The following CELSR1 variants were observed in gnomAD, a reference collection of about 807,000 sequenced individuals.
CELSR1 encodes the protein cadherin EGF LAG seven-pass G-type receptor 1.
In CELSR1, 110 loss-of-function variants were observed where a neutral mutation model predicts 249.1. That is an observed-to-expected ratio of 0.44 (90% confidence interval 0.38 to 0.52). The LOEUF is 0.52. Among genes scored for constraint, CELSR1 ranks in the 20% least tolerant of loss-of-function variants. The probability of loss-of-function intolerance (pLI) is 0.00; values close to 1 mark genes in which losing one functional copy is unlikely to be tolerated. For missense variants in CELSR1, 4,109 were observed against 4,296.4 expected, an observed-to-expected ratio of 0.96 and a Z score of 1.22; for synonymous variants, 2,113 against 1,900.0, an observed-to-expected ratio of 1.11 and a Z score of -2.92.
At chr22:46,432,842 G>A (rs1180232816) in intron 5 of CELSR1, among the ~76,000 whole-genome samples, 1 of 152,034 alleles carries the variant, frequency 6.6e-6, no homozygotes, top group African/African-American at 2.4e-5. Flanking sequence ...GGAGATCTCC[G>A]GGGTCCCTGT....
In CELSR1 at chr22:46,453,250, C is replaced by T. The variant is rs376236301; in HGVS notation, c.4183+10457G>A. On this transcript the variant is annotated intron_variant, in intron 2 of 34. Transcript: ENST00000674500. ...GTTCGTTATCAGCATGCAGGGAAAC[C>T]GTGCCAACTACGAACAGCAGCATGC... is the stretch of plus-strand genomic sequence containing the variant. Among the ~76,000 whole-genome samples the T allele has an allele frequency of 7.9e-5, 12 of 152,290 alleles. No individual in the cohort carries two copies. The South Asian group carries it at 1.4e-3, about 18-fold the overall frequency.
At chr22:46,483,043 A>C (rs2147670949) in intron 1 of CELSR1, among the ~76,000 whole-genome samples, 1 of 152,324 alleles carries the variant, frequency 6.6e-6, no homozygotes. Context: ...GTGAAACTGG[A>C]TCCCTACCTC....
chr22:46,467,530 A>T (rs1299917777), intron 1 of CELSR1, among the ~76,000 whole-genome samples: 2 of 151,750 alleles, frequency 1.3e-5, no homozygotes, highest in African/African-American at 4.9e-5. Context: ...TATATAGAAA[A>T]CTCTGGAAGG....
Position 46,412,739 on chromosome 22 carries a change from A to T in CELSR1, c.4612-980T>A, listed in dbSNP as rs1361980421. On this transcript the variant is annotated intron_variant, in intron 5 of 34. Coordinates refer to ENST00000674500, the MANE Select transcript of CELSR1 (RefSeq NM_001378328.1). The surrounding 1 kb of genome is among the most constrained non-coding windows in gnomAD (Gnocchi z 4.5). Reference sequence around the variant, plus strand: ...CAGGAGGAAAAGCAGCACCCGCCCTACACAATCCATGCTGGCCACGGAACT... The same window carrying T: ...CAGGAGGAAAAGCAGCACCCGCCCTTCACAATCCATGCTGGCCACGGAACT... Among the ~76,000 whole-genome samples the T allele has an allele frequency of 6.6e-6, 1 of 152,190 alleles. No individual in the cohort carries two copies. The highest frequency in any genetic ancestry group is 1.5e-5 in the Non-Finnish European group (1 of 68,034).
At chr22:46,397,593 T>G in intron 12 of CELSR1, 81 bp downstream of exon 12, 1 of 1,291,894 alleles carries the variant, frequency 7.7e-7, no homozygotes, top group Non-Finnish European at 1.0e-6. Flanking sequence ...GGGACGCTAA[T>G]GTCTAAACTG....
chr22:46,510,103 C>T (rs9616029), intron 1 of CELSR1, among the ~76,000 whole-genome samples: 13,674 of 152,290 alleles, frequency 0.09, 717 homozygotes, highest in South Asian at 0.23. Context: ...GCTCCTAACC[C>T]TCTGCATCCA....
Position 46,374,866 on chromosome 22 carries a change from G to A in CELSR1, c.7585-1809C>T, listed in dbSNP as rs1326999752. Among the ~76,000 whole-genome samples, 1 of 152,212 alleles carries A rather than the reference G, an allele frequency of 6.6e-6. No individual in the cohort carries two copies. Among genetic ancestry groups the A allele is most frequent in the South Asian group, 2.1e-4 (1 of 4,826 alleles). ...GCAGGAGCAGCGACCCTGCCATATG[G>A]GCCCCGCACACGGAGCCCCCGCCAG... On this transcript the variant is annotated intron_variant, in intron 24 of 34. Coordinates refer to ENST00000674500, the MANE Select transcript of CELSR1 (RefSeq NM_001378328.1). This position sits in a 1 kb window ranked among gnomAD's most constrained non-coding sequence, Gnocchi z 4.3.
At chr22:46,449,789 C>A (rs1484743361) in intron 2 of CELSR1, among the ~76,000 whole-genome samples, 1 of 152,070 alleles carries the variant, frequency 6.6e-6, no homozygotes, top group Non-Finnish European at 1.5e-5. Context: ...CTGAAGAATT[C>A]AGGCAGGGCA....
At position 46,535,030 on chromosome 22, in the gene CELSR1, C is replaced by T. The variant is rs142220741; in HGVS notation, c.2141G>A (p.Arg714His). 2.1e-4 allele frequency: 340 copies of T among 1,612,474 alleles called. 2 individuals carry two copies. The East Asian group carries it at 7.0e-3, about 33-fold the overall frequency. ...SSVLTLQARD[R>H]DANSVITYQL... Reference sequence around the variant, plus strand: ...GTAGGTAATCACACTGTTGGCGTCACGGTCGCGGGCCTGCAGGGTCAGCAC... The same window carrying T: ...GTAGGTAATCACACTGTTGGCGTCATGGTCGCGGGCCTGCAGGGTCAGCAC... The change falls in exon 1 of 35, where the codon CGT becomes CAT. Residue 714 changes from arginine to histidine, a missense_variant. Transcript: ENST00000674500.
rs761532807 is a variant in CELSR1, at chr22:46,361,722, CAG to C, written c.*1499_*1500del. On this transcript the variant is annotated 3_prime_UTR_variant, in exon 35 of 35. Transcript: ENST00000674500. ...ATTTTCATCAGGGTCAAGTTTAAAACAGTGTGGACATCTTTGCATTTTACTTG... is the reference window on the plus strand; with the variant it reads ...ATTTTCATCAGGGTCAAGTTTAAAACTGTGGACATCTTTGCATTTTACTTG... 1 of 152,330 alleles carries C rather than the reference CAG, an allele frequency of 6.6e-6. No homozygotes were observed. The highest frequency in any genetic ancestry group is 1.9e-4 in the East Asian group (1 of 5,194). 9.4% of individuals were successfully genotyped at this position (152,330 alleles called of 1,614,324 possible).
chr22:46,387,355 A>C (rs2147240523), intron 18 of CELSR1, among the ~76,000 whole-genome samples: 1 of 152,126 alleles, frequency 6.6e-6, no homozygotes, highest in Admixed American at 6.5e-5. Flanking sequence ...GAATTCAAAT[A>C]GATAAGGAAG....
intron 1 of CELSR1, among the ~76,000 whole-genome samples, chr22:46,528,617 G>A (rs2080761614): frequency 6.6e-6 from 1 of 152,190 alleles, no homozygotes; most frequent in South Asian, 2.1e-4. Context: ...TATATACCAT[G>A]GTGTACTATT....
At chr22:46,368,255 G>A (rs1313609837) in intron 27 of CELSR1, among the ~76,000 whole-genome samples, 1 of 152,114 alleles carries the variant, frequency 6.6e-6, no homozygotes, top group Non-Finnish European at 1.5e-5. Context: ...CCTGAGCTCT[G>A]CCTCAGTCTC....
Position 46,441,645 on chromosome 22 carries a change from G to C in CELSR1, c.4184-2234C>G, listed in dbSNP as rs2079750804. The stretch of plus-strand genomic sequence containing the variant: ...CTTGCCGCATAAGGGAGAGGGCTGT[G>C]GTCTCTTCCTCTCCTTACAAGGACT... On this transcript the variant is annotated intron_variant, in intron 2 of 34. Transcript: ENST00000674500. The surrounding 1 kb of genome is among the most constrained non-coding windows in gnomAD (Gnocchi z 6.1). Among the ~76,000 whole-genome samples, 1 of 152,062 alleles carries C rather than the reference G, an allele frequency of 6.6e-6. No individual in the cohort carries two copies. Among genetic ancestry groups the C allele is most frequent in the African/African-American group, 2.4e-5 (1 of 41,386 alleles).
chr22:46,377,423 A>C, intron 23 of CELSR1, 162 bp from the exon 24 acceptor site: 1 of 746,680 alleles, frequency 1.3e-6, no homozygotes, highest in Non-Finnish European at 2.2e-6. Flanking sequence ...CTGGGCCTGG[A>C]ACTGCCCCTC....
At position 46,381,138 on chromosome 22, in the gene CELSR1, C is replaced by T. The variant is rs1385647267; in HGVS notation, c.7089-183G>A. ...TCCCTAGAGCAGGTTTTATCACTGA[C>T]AGGGCACACAGAGAGAGGTGTCACC... On this transcript the variant is annotated intron_variant, in intron 21 of 34. Coordinates refer to ENST00000674500, the MANE Select transcript of CELSR1 (RefSeq NM_001378328.1). The surrounding 1 kb of genome is among the most constrained non-coding windows in gnomAD (Gnocchi z 6.0). Among the ~76,000 whole-genome samples the T allele has an allele frequency of 6.6e-6, 1 of 152,172 alleles. No homozygotes were observed. The highest frequency in any genetic ancestry group is 2.4e-5 in the African/African-American group (1 of 41,428).
intron 1 of CELSR1, among the ~76,000 whole-genome samples, chr22:46,474,374 C>G (rs942456823): frequency 6.6e-6 from 1 of 152,132 alleles, no homozygotes; most frequent in Non-Finnish European, 1.5e-5. Context: ...TCCCCTCGGG[C>G]TGCTGCAGGT....
In CELSR1 at chr22:46,534,882, T is replaced by C. The variant is rs759571632; in HGVS notation, c.2289A>G (p.Thr763=). Residue 763 remains threonine, a synonymous_variant, in exon 1 of 35, where the codon ACA becomes ACG. Coordinates refer to ENST00000674500, the MANE Select transcript of CELSR1 (RefSeq NM_001378328.1). This position sits in a 1 kb window ranked among gnomAD's most constrained non-coding sequence, Gnocchi z 9.7. ...TGTGCGACCGTGTGCCGTCGGATGC[T>C]GTCACCGCCAGCACGTACTGCTGCT... ...KQEQQYVLAV[T]ASDGTRSHTA... is the part of the protein sequence containing the mutation. 6.2e-7 allele frequency: 1 copy of C among 1,612,522 alleles called. No homozygotes were observed. The highest frequency in any genetic ancestry group is 1.3e-5 in the African/African-American group (1 of 74,902).
intron 1 of CELSR1, among the ~76,000 whole-genome samples, chr22:46,467,571 C>T (rs1654680174): frequency 1.3e-5 from 2 of 151,642 alleles, no homozygotes; most frequent in South Asian, 4.2e-4. Flanking sequence ...TCCTGTAATC[C>T]CAGCACTTTG....
Sources: gnomAD v4.1 joint callset for allele counts (sites outside exome capture counted in the v4.1 genomes callset) on GRCh38, gnomAD v4.1.1 for gene constraint, Gnocchi (gnomAD v3.1) non-coding constraint, MANE v1.5 for transcripts, NCBI Gene and HGNC (gene_info 2026-07-23, HGNC 2026-07-21) for gene names.